PDE8B: variants seen among roughly 807,000 people sequenced by gnomAD.
PDE8B encodes high affinity cAMP-specific and IBMX-insensitive 3',5'-cyclic phosphodiesterase 8B.
In PDE8B, 26 loss-of-function variants were observed where a neutral mutation model predicts 101.3. That is an observed-to-expected ratio of 0.26 (90% CI 0.19 to 0.36). PDE8B has a LOEUF of 0.36. Among genes scored for constraint, PDE8B ranks in the 10% least tolerant of loss-of-function variants. The pLI, the probability that PDE8B is intolerant of heterozygous loss-of-function variation, is 1.00. For synonymous variants in PDE8B, 424 were observed against 429.3 expected (o/e 0.99, Z 0.15); for missense variants, 810 against 1,163.1 (o/e 0.70, Z 4.42).
chr5:77,378,048 A>AC (rs67676530), intron 10 of PDE8B, among the ~76,000 whole-genome samples: 13 of 93,952 alleles, frequency 1.4e-4, no homozygotes, highest in Non-Finnish European at 3.1e-4. Flanking sequence ...ACACACACAC[A>AC]CCCCCTGTTG....
At chr5:77,176,825 C>T in the PDE8B span, among the ~76,000 whole-genome samples, 37 of 152,266 alleles carry the variant, frequency 2.4e-4, no homozygotes, top group African/African-American at 7.9e-4. Context: ...CAGAAGCTTT[C>T]GTTGCGTGAT....
At chr5:77,155,503 C>A in the PDE8B span, among the ~76,000 whole-genome samples, 1 of 152,160 alleles carries the variant, frequency 6.6e-6, no homozygotes, top group African/African-American at 2.4e-5. Flanking sequence ...TTCACAATAT[C>A]CCTTTGAGCA....
rs141333420 is a variant in PDE8B, at chr5:77,236,563, G to T, written c.339+25299G>T. 8.5e-5 allele frequency among the ~76,000 whole-genome samples: 13 copies of T among 152,306 alleles called. No individual in the cohort carries two copies. In the East Asian group the frequency reaches 2.1e-3, roughly 25 times the overall value. On this transcript the variant is annotated intron_variant, in intron 1 of 21. Transcript: ENST00000264917. Reference sequence around the variant, plus strand: ...TTAACTGTGTCACATGCTGCTGATAGTTCAAAAAAGATGAGGACCAATATT... The same window carrying T: ...TTAACTGTGTCACATGCTGCTGATATTTCAAAAAAGATGAGGACCAATATT...
intron 10 of PDE8B, among the ~76,000 whole-genome samples, chr5:77,361,626 C>T (rs747517086): frequency 2.6e-5 from 4 of 151,932 alleles, no homozygotes; most frequent in Non-Finnish European, 4.4e-5. Context: ...GCCATTCTCC[C>T]GCCTCAGCCT....
At chr5:77,352,693 C>G (rs1781383856) in intron 9 of PDE8B, among the ~76,000 whole-genome samples, 1 of 152,126 alleles carries the variant, frequency 6.6e-6, no homozygotes, top group Non-Finnish European at 1.5e-5. Context: ...GGGCAAAAAA[C>G]CTAATGTAAC....
chr5:77,273,514 T>C (rs1763191098), intron 1 of PDE8B, among the ~76,000 whole-genome samples: 1 of 152,124 alleles, frequency 6.6e-6, no homozygotes, highest in Admixed American at 6.5e-5. Flanking sequence ...AGGGGAGATA[T>C]GATAGGTAGA....
At chr5:77,129,814 C>T in the PDE8B span, among the ~76,000 whole-genome samples, 1 of 150,086 alleles carries the variant, frequency 6.7e-6, no homozygotes, top group Non-Finnish European at 1.5e-5. Flanking sequence ...ACGTCACCCA[C>T]CCTACCTCTA....
chr5:77,284,998 T>C (rs941029332), intron 1 of PDE8B, among the ~76,000 whole-genome samples: 4 of 152,180 alleles, frequency 2.6e-5, no homozygotes, highest in African/African-American at 9.7e-5. Flanking sequence ...ATAGTGAGTG[T>C]CACTATATTT....
chr5:77,246,406 A>G (rs998818294), intron 1 of PDE8B, among the ~76,000 whole-genome samples: 3 of 152,092 alleles, frequency 2.0e-5, no homozygotes, highest in Admixed American at 6.5e-5. Context: ...CTTATGTACA[A>G]TTTATTGCAG....
chr5:77,190,590 C>T, the PDE8B span, among the ~76,000 whole-genome samples: 2 of 152,326 alleles, frequency 1.3e-5, no homozygotes, highest in Admixed American at 1.3e-4. Context: ...GAAATCTGAT[C>T]TGACACACAG....
At chr5:77,326,616 G>A (rs1014619981) in intron 3 of PDE8B, among the ~76,000 whole-genome samples, 1 of 151,972 alleles carries the variant, frequency 6.6e-6, no homozygotes, top group African/African-American at 2.4e-5. Context: ...TGTTTTAATG[G>A]CTTCAAATAA....
intron 6 of PDE8B, among the ~76,000 whole-genome samples, chr5:77,340,418 C>T (rs1045280368): frequency 2.0e-5 from 3 of 152,100 alleles, no homozygotes; most frequent in Admixed American, 1.3e-4. Context: ...ATAACCAGTC[C>T]CTATTGCTTT....
chr5:77,133,688 A>G, the PDE8B span, among the ~76,000 whole-genome samples: 8 of 152,170 alleles, frequency 5.3e-5, no homozygotes, highest in Admixed American at 5.2e-4. Flanking sequence ...GTACCTAAAA[A>G]TATTTGGATT....
rs1370286628 is a variant in PDE8B, at chr5:77,408,886, C to T, written c.1366-7C>T. The T allele has an allele frequency of 2.5e-6, 4 of 1,609,688 alleles. No homozygotes were observed. In the South Asian group the frequency reaches 3.3e-5, roughly 13 times the overall value. ...TCCTCAGATGTATTCTTTCTTCACT[C>T]CGTTAGGTTATAAATATAATCAATG... On this transcript the variant is annotated splice_region_variant and splice_polypyrimidine_tract_variant and intron_variant, in intron 13 of 21. Transcript: ENST00000264917.
intron 10 of PDE8B, among the ~76,000 whole-genome samples, chr5:77,367,304 A>T (rs1784321773): frequency 6.6e-6 from 1 of 152,088 alleles, no homozygotes; most frequent in Non-Finnish European, 1.5e-5. Flanking sequence ...CCTGGGGTAC[A>T]CTCTGGTTCC....
At chr5:77,265,944 C>T (rs1297173742) in intron 1 of PDE8B, among the ~76,000 whole-genome samples, 1 of 152,188 alleles carries the variant, frequency 6.6e-6, no homozygotes, top group African/African-American at 2.4e-5. Flanking sequence ...AGTACTTTCT[C>T]TGAAACTGAA....
chr5:77,369,297 G>C (rs1253058209), intron 10 of PDE8B, among the ~76,000 whole-genome samples: 1 of 151,704 alleles, frequency 6.6e-6, no homozygotes, highest in Non-Finnish European at 1.5e-5. Context: ...GTATTGAAGG[G>C]TGAGATGGAA....
the PDE8B span, among the ~76,000 whole-genome samples, chr5:77,166,347 T>C: frequency 2.0e-5 from 3 of 151,766 alleles, no homozygotes; most frequent in Non-Finnish European, 4.4e-5. Flanking sequence ...GGTACCATAA[T>C]GGGATACAAA....
intron 1 of PDE8B, among the ~76,000 whole-genome samples, chr5:77,223,501 C>T (rs1424583326): frequency 6.6e-6 from 1 of 151,058 alleles, no homozygotes; most frequent in Non-Finnish European, 1.5e-5. Flanking sequence ...ATAATGACCA[C>T]ACAAGTAGCT....
Sources: allele counts gnomAD v4.1 joint callset (sites outside exome capture counted in the v4.1 genomes callset), GRCh38; gene constraint gnomAD v4.1.1; transcripts MANE v1.5; gene names NCBI Gene and HGNC (gene_info 2026-07-23, HGNC 2026-07-21).